PPP1R15A: variants seen among roughly 807,000 people sequenced by gnomAD.
PPP1R15A encodes the protein growth arrest and DNA damage-inducible protein GADD34.
PPP1R15A carries 43 observed loss-of-function variants against 48.5 expected under a neutral mutation model. That is an observed-to-expected ratio of 0.89 (90% CI 0.69 to 1.14). The LOEUF (loss-of-function observed/expected upper bound fraction) is 1.14. Among genes scored for constraint, PPP1R15A ranks in the 50% most tolerant of loss-of-function variants. The pLI, the probability that PPP1R15A is intolerant of heterozygous loss-of-function variation, is 0.00. For synonymous variants in PPP1R15A, 327 were observed against 327.4 expected (o/e 1.00, Z 0.01); for missense variants, 868 against 847.2 (o/e 1.02, Z -0.30).
chr19:48,872,421 G>C lies in PPP1R15A; in HGVS notation c.-240G>C, dbSNP rs2037017970. ...AAGCCTAGTGGCCATTGTGTTCGTT[G>C]CTCTTATCGGTTCCCATCCCAGTTG... On this transcript the variant is annotated 5_prime_UTR_variant, in exon 1 of 3. Coordinates refer to ENST00000200453, the MANE Select transcript of PPP1R15A (RefSeq NM_014330.5). 4 of 456,402 alleles carry C rather than the reference G, an allele frequency of 8.8e-6. No individual in the cohort carries two copies. The highest frequency in any genetic ancestry group is 1.8e-5 in the Non-Finnish European group (4 of 226,784). 28.3% of individuals were successfully genotyped at this position (456,402 alleles called of 1,614,324 possible). A position where few individuals can be genotyped will look rare whatever the true frequency, so the allele number is the denominator to read the frequency against.
At position 48,874,110 on chromosome 19, in the gene PPP1R15A, C is replaced by T; in HGVS notation, c.877C>T (p.Pro293Ser). ...TGCCCCAGGGCCGCAATCCTCAGCC[C>T]CAGCCCAGAGGCCCCAGCTCAAGTC... Reference protein sequence around the residue: ...EAAPGPQSSAPAQRPQLKSWW... With the variant: ...EAAPGPQSSASAQRPQLKSWW... Residue 293 changes from proline (P) to serine (S), a missense_variant, in exon 2 of 3, where the codon CCA becomes TCA. Physicochemically the swap from Pro to Ser is moderately conservative, Grantham distance 74. Transcript: ENST00000200453. 7 of 1,614,168 alleles carry T rather than the reference C, an allele frequency of 4.3e-6. No homozygotes were observed. The highest frequency in any genetic ancestry group is 5.9e-6 in the Non-Finnish European group (7 of 1,180,004).
rs2037078054 is a variant in PPP1R15A, at chr19:48,875,919, CCG to C, written c.1973_1974del (p.Arg658LeufsTer27). 1 of 1,611,872 alleles carries C rather than the reference CCG, an allele frequency of 6.2e-7. No individual in the cohort carries two copies. On this transcript the variant is annotated frameshift_variant, in exon 3 of 3. Transcript: ENST00000200453. LOFTEE classifies it low-confidence loss of function (END_TRUNC). ...PLSQAVATPSRSSAAAAAALD... is the reference protein window; with the variant it reads ...PLSQAVATPSXSSAAAAAALD... ...TGAGCCAAGCTGTGGCCACACCTTC[CCG>C]CTCGTCTGCTGCTGCAGCGGCTGCC...
Position 48,874,091 on chromosome 19 carries a change from A to T in PPP1R15A, c.858A>T (p.Pro286=). 6.2e-7 allele frequency: 1 copy of T among 1,614,184 alleles called. No homozygotes were observed. ...HKETGKGEAA[P]GPQSSAPAQR... ...AAACTGGGAAAGGAGAAGCTGCCCC[A>T]GGGCCGCAATCCTCAGCCCCAGCCC... Residue 286 remains proline (P), a synonymous_variant, in exon 2 of 3, where the codon CCA becomes CCT. Coordinates refer to ENST00000200453, the MANE Select transcript of PPP1R15A (RefSeq NM_014330.5).
chr19:48,874,134 TCCTGGTGGTGCCAA>T lies in PPP1R15A; in HGVS notation c.904_917del (p.Trp302GlnfsTer2). 1 of 1,614,120 alleles carries T rather than the reference TCCTGGTGGTGCCAA, an allele frequency of 6.2e-7. No homozygotes were observed. The highest frequency in any genetic ancestry group is 1.3e-5 in the African/African-American group (1 of 75,026). ...CCCAGCCCAGAGGCCCCAGCTCAAG[TCCTGGTGGTGCCAA>T]CCCAGTGATGAAGAGGAGGGTGAGG... On this transcript the variant is annotated frameshift_variant, in exon 2 of 3. Transcript: ENST00000200453. LOFTEE classifies it high-confidence loss of function.
rs780750361 is a variant in PPP1R15A, at chr19:48,873,997, C to T, written c.764C>T (p.Ser255Phe). ...KTSVSPRSSG[S>F]DPRSWEYRSG... ...TCCGTGTCCCCCCGATCTTCAGGCT[C>T]CGACCCCAGGTCCTGGGAGTATCGT... Residue 255 changes from serine (S) to phenylalanine (F), a missense_variant, in exon 2 of 3, where the codon TCC becomes TTC. Transcript: ENST00000200453. 3.1e-6 allele frequency: 5 copies of T among 1,614,068 alleles called. No individual in the cohort carries two copies. Among genetic ancestry groups the T allele is most frequent in the Admixed American group, 1.7e-5 (1 of 60,000 alleles).
intron 2 of PPP1R15A, 153 bp downstream of exon 2, chr19:48,875,051 A>G (rs595516): frequency 0.34 from 325,945 of 958,318 alleles, 58,081 homozygotes; most frequent in African/African-American, 0.52. Flanking sequence ...CTCAGCCTCC[A>G]GAGTATCTGG....
rs944707119 is a variant in PPP1R15A at position 48,875,596 on chromosome 19, C to A, written c.1666-18C>A. The A allele has an allele frequency of 3.8e-6, 6 of 1,576,742 alleles. No homozygotes were observed. The African/African-American group carries it at 4.0e-5, about 11-fold the overall frequency. On this transcript the variant is annotated intron_variant, in intron 2 of 2. Coordinates refer to ENST00000200453, the MANE Select transcript of PPP1R15A (RefSeq NM_014330.5). ...GGCTGTGTGCATCTCCTGCCTGTGT[C>A]CCCATGTCTGCCCGCAGGTGCGCTT...
At position 48,874,479 on chromosome 19, in the gene PPP1R15A, G is replaced by A; in HGVS notation, c.1246G>A (p.Ala416Thr). ...DTGSAEDERE[A>T]ETSASTPPAS... ...AGGATCAGCCGAGGATGAAAGAGAA[G>A]CTGAGACTTCTGCTTCCACACCCCC... Residue 416 changes from alanine to threonine, a missense_variant, in exon 2 of 3, where the codon GCT (alanine) becomes ACT (threonine). By Grantham distance (58) the Ala-to-Thr change is moderately conservative (BLOSUM62 0). Transcript: ENST00000200453. 5 of 1,613,934 alleles carry A rather than the reference G, an allele frequency of 3.1e-6. No homozygotes were observed. The highest frequency in any genetic ancestry group is 4.2e-6 in the Non-Finnish European group (5 of 1,179,940).
rs147982816 is a variant in PPP1R15A, at chr19:48,874,034, G to T, written c.801G>T (p.Ala267=). ...CCTGGGAGTATCGTTCAGGAGAGGC[G>T]TCCGAGGAGAAGGAGGAAAAGGCAC... is the stretch of plus-strand genomic sequence containing the variant. The part of the protein sequence containing the change: ...PRSWEYRSGE[A]SEEKEEKAHK... The change falls in exon 2 of 3, where the codon GCG becomes GCT. Residue 267 remains alanine (A), a synonymous_variant. Coordinates refer to ENST00000200453, the MANE Select transcript of PPP1R15A (RefSeq NM_014330.5). 6 of 1,614,154 alleles carry T rather than the reference G, an allele frequency of 3.7e-6. No individual in the cohort carries two copies. Among genetic ancestry groups the T allele is most frequent in the Non-Finnish European group, 5.1e-6 (6 of 1,180,026 alleles).
chr19:48,874,165 AGG>A lies in PPP1R15A; in HGVS notation c.934_935del (p.Gly312Ter), dbSNP rs750807545. 6 of 1,614,168 alleles carry A rather than the reference AGG, an allele frequency of 3.7e-6. No homozygotes were observed. In the South Asian group the frequency reaches 6.6e-5, roughly 18 times the overall value. ...TGGTGCCAACCCAGTGATGAAGAGG[AGG>A]GTGAGGTCAAGGCTTTGGGGGCAGC... is the stretch of plus-strand genomic sequence containing the variant. On this transcript the variant is annotated frameshift_variant, in exon 2 of 3. Transcript: ENST00000200453. LOFTEE classifies it high-confidence loss of function.
Position 48,874,423 on chromosome 19 carries a change from CAGA to C in PPP1R15A, c.1191_1193del (p.Glu401del), listed in dbSNP as rs2037052939. 1.9e-6 allele frequency: 3 copies of C among 1,613,794 alleles called. No individual in the cohort carries two copies. The highest frequency in any genetic ancestry group is 2.5e-6 in the Non-Finnish European group (3 of 1,179,976). ...TGGGTCTATCAGCCAGGAGAGGACA[CAGA>C]GGAGGAGGAAGATGAGGACAGTGAT... On this transcript the variant is annotated inframe_deletion, in exon 2 of 3. Coordinates refer to ENST00000200453, the MANE Select transcript of PPP1R15A (RefSeq NM_014330.5).
At position 48,875,662 on chromosome 19, in the gene PPP1R15A, G is replaced by C. The variant is rs906266172; in HGVS notation, c.1714G>C (p.Gly572Arg). 3 of 1,609,776 alleles carry C rather than the reference G, an allele frequency of 1.9e-6. No homozygotes were observed. Among genetic ancestry groups the C allele is most frequent in the African/African-American group, 1.3e-5 (1 of 74,774 alleles). The change falls in exon 3 of 3, where the codon GGG becomes CGG. Residue 572 changes from glycine to arginine, a missense_variant. Physicochemically the swap from Gly to Arg is moderately radical, Grantham distance 125. Transcript: ENST00000200453. ...VTVHFLAVWA[G>R]PAQAARQGPW... ...TGTCCATTTCCTGGCTGTCTGGGCA[G>C]GGCCGGCCCAGGCCGCCCGCCAGGG...
chr19:48,875,134 T>C (rs1358797657), intron 2 of PPP1R15A: 4 of 443,684 alleles, frequency 9.0e-6, no homozygotes. Context: ...TTTTGCCATG[T>C]TGGCCAGGCT....
intron 2 of PPP1R15A, 83 bp downstream of exon 2, chr19:48,874,981 A>C (rs2037062889): frequency 7.8e-6 from 11 of 1,404,222 alleles, no homozygotes; most frequent in Non-Finnish European, 1.0e-5. Context: ...GCTGGAGTGC[A>C]GCGGCATGAT....
chr19:48,874,755 C>A lies in PPP1R15A; in HGVS notation c.1522C>A (p.Arg508=). ...GGGAGAAGCTGAGCCCTGCCCCTTC[C>A]GAGTGGCCATCTATGTACCTGGAGA... is the stretch of plus-strand genomic sequence containing the variant. ...DWGEAEPCPF[R]VAIYVPGEKP... The change falls in exon 2 of 3, where the codon CGA becomes AGA. Residue 508 remains arginine (R), a synonymous_variant. Transcript: ENST00000200453. 1.9e-6 allele frequency: 3 copies of A among 1,614,058 alleles called. No homozygotes were observed. The highest frequency in any genetic ancestry group is 1.7e-6 in the Non-Finnish European group (2 of 1,180,004).
In PPP1R15A at chr19:48,874,732, G is replaced by A. The variant is rs746960507; in HGVS notation, c.1499G>A (p.Gly500Glu). The A allele has an allele frequency of 1.2e-6, 2 of 1,614,096 alleles. No homozygotes were observed. Among genetic ancestry groups the A allele is most frequent in the South Asian group, 1.1e-5 (1 of 91,082 alleles). ...GAAGAGGAAGCTGCTGAGGACTGGG[G>A]AGAAGCTGAGCCCTGCCCCTTCCGA... ...TEEEEAAEDW[G>E]EAEPCPFRVA... Residue 500 changes from glycine (G) to glutamate (E), a missense_variant, in exon 2 of 3, where the codon GGA (glycine) becomes GAA (glutamate). Physicochemically the swap from Gly to Glu is moderately conservative, Grantham distance 98 (BLOSUM62 -2). Transcript: ENST00000200453.
rs1459308549 is a variant in PPP1R15A at position 48,875,598 on chromosome 19, C to G, written c.1666-16C>G. ...CTGTGTGCATCTCCTGCCTGTGTCC[C>G]CATGTCTGCCCGCAGGTGCGCTTCT... On this transcript the variant is annotated splice_polypyrimidine_tract_variant and intron_variant, in intron 2 of 2. Transcript: ENST00000200453. 1.9e-6 allele frequency: 3 copies of G among 1,578,184 alleles called. No homozygotes were observed. The highest frequency in any genetic ancestry group is 2.3e-5 in the East Asian group (1 of 44,364).
Position 48,873,250 on chromosome 19 carries a change from C to A in PPP1R15A, c.17C>A (p.Ala6Glu). Residue 6 changes from alanine to glutamate, a missense_variant, in exon 2 of 3, where the codon GCA becomes GAA. Physicochemically the swap from Ala to Glu is moderately radical, Grantham distance 107. Coordinates refer to ENST00000200453, the MANE Select transcript of PPP1R15A (RefSeq NM_014330.5). MAPGQ[A>E]PHQATPWRDA... ...CCCAGACACATGGCCCCAGGCCAAG[C>A]ACCCCATCAGGCTACCCCGTGGAGG... 1 of 1,529,438 alleles carries A rather than the reference C, an allele frequency of 6.5e-7. No individual in the cohort carries two copies. Among genetic ancestry groups the A allele is most frequent in the Non-Finnish European group, 8.8e-7 (1 of 1,139,570 alleles). The allele number at this position is 1,529,438 out of a possible 1,614,324, so 94.7% of individuals were successfully genotyped here.
In PPP1R15A at chr19:48,875,680, C is replaced by A. The variant is rs756444344; in HGVS notation, c.1732C>A (p.Arg578Ser). The A allele has an allele frequency of 1.2e-6, 2 of 1,611,060 alleles. No individual in the cohort carries two copies. Among genetic ancestry groups the A allele is most frequent in the South Asian group, 2.2e-5 (2 of 90,968 alleles). ...AVWAGPAQAA[R>S]QGPWEQLARD... Reference sequence around the variant, plus strand: ...CTGGGCAGGGCCGGCCCAGGCCGCCCGCCAGGGCCCCTGGGAGCAGCTTGC... The same window carrying A: ...CTGGGCAGGGCCGGCCCAGGCCGCCAGCCAGGGCCCCTGGGAGCAGCTTGC... The change falls in exon 3 of 3, where the codon CGC (arginine) becomes AGC (serine). Residue 578 changes from arginine to serine, a missense_variant. Physicochemically the swap from Arg to Ser is moderately radical, Grantham distance 110. Transcript: ENST00000200453.
Sources: gnomAD v4.1 joint callset for allele counts on GRCh38, gnomAD v4.1.1 for gene constraint, MANE v1.5 for transcripts, NCBI Gene and HGNC (gene_info 2026-07-23, HGNC 2026-07-21) for gene names.